BAIAP2: variants seen among roughly 807,000 people sequenced by gnomAD.
The protein encoded by BAIAP2 is BAR/IMD domain-containing adapter protein 2.
BAIAP2 carries 18 observed loss-of-function variants against 63.0 expected under a neutral mutation model. That is an observed-to-expected ratio of 0.29 (90% confidence interval 0.20 to 0.42). BAIAP2 has a LOEUF of 0.42. Among genes scored for constraint, BAIAP2 ranks in the 10% least tolerant of loss-of-function variants. BAIAP2 has a pLI of 1.00. For missense variants in BAIAP2, 610 were observed against 734.3 expected (o/e 0.83, Z 1.96); for synonymous variants, 386 against 307.6 (o/e 1.25, Z -2.67).
chr17:81,087,959 G>A, intron 6 of BAIAP2: 1 of 152,196 alleles, frequency 6.6e-6, no homozygotes, highest in Non-Finnish European at 1.5e-5. Context: ...CCTGCCTGAG[G>A]CTGCTGCAGC....
At chr17:81,095,453 G>T (rs1286272253) in intron 6 of BAIAP2, among the ~76,000 whole-genome samples, 3 of 152,196 alleles carry the variant, frequency 2.0e-5, no homozygotes. Context: ...GCCTGGCCTA[G>T]ATTTCCAGGA....
chr17:81,073,420 G>A (rs1246575476), intron 3 of BAIAP2, among the ~76,000 whole-genome samples: 2 of 152,218 alleles, frequency 1.3e-5, no homozygotes, highest in African/African-American at 4.8e-5. Context: ...CCTGGGAGCA[G>A]TCACCAAGCT....
chr17:81,066,123 C>G (rs191455823), intron 3 of BAIAP2, among the ~76,000 whole-genome samples: 2 of 152,352 alleles, frequency 1.3e-5, no homozygotes, highest in Admixed American at 1.3e-4. Context: ...CAGCCCTTTC[C>G]CATCTCTGGA....
chr17:81,060,225 G>T (rs138738979), intron 3 of BAIAP2, among the ~76,000 whole-genome samples: 3 of 152,308 alleles, frequency 2.0e-5, no homozygotes, highest in African/African-American at 4.8e-5. Flanking sequence ...AGAGTGTACA[G>T]TTCTGTGGCT....
At chr17:81,112,632 A>G (rs1318669380) in intron 13 of BAIAP2, among the ~76,000 whole-genome samples, 1 of 152,258 alleles carries the variant, frequency 6.6e-6, no homozygotes, top group East Asian at 1.9e-4. Context: ...AGCTGACGCG[A>G]GAAGACAGAA....
intron 2 of BAIAP2, 31 bp from the exon 3 acceptor site, chr17:81,057,850 G>A: frequency 6.2e-7 from 1 of 1,602,180 alleles, no homozygotes. Context: ...CCTCGTGGAG[G>A]AAATAACTGC....
At chr17:81,088,503 A>G (rs1041469859) in intron 6 of BAIAP2, among the ~76,000 whole-genome samples, 6 of 152,226 alleles carry the variant, frequency 3.9e-5, no homozygotes, top group Non-Finnish European at 7.3e-5. Flanking sequence ...TTTTTCAATC[A>G]GCAGTCACTC....
intron 13 of BAIAP2, 142 bp from the exon 14 acceptor site, chr17:81,115,628 A>C (rs12450670): frequency 0.81 from 789,843 of 979,384 alleles, 319,738 homozygotes; most frequent in Middle Eastern, 0.9. Context: ...AAAGCAGCGT[A>C]TATTGTCTGT....
chr17:81,046,014 CT>C lies in BAIAP2; in HGVS notation c.55-7653del, dbSNP rs1416547959. 6.6e-6 allele frequency among the ~76,000 whole-genome samples: 1 copy of C among 152,200 alleles called. No homozygotes were observed. Among genetic ancestry groups the C allele is most frequent in the Non-Finnish European group, 1.5e-5 (1 of 68,026 alleles). On this transcript the variant is annotated intron_variant, in intron 1 of 13. Coordinates refer to ENST00000428708, the MANE Select transcript of BAIAP2 (RefSeq NM_001144888.2). This position sits in a 1 kb window ranked among gnomAD's most constrained non-coding sequence, Gnocchi z 4.5. ...CTGGGGGGGCTCATGGTGGGGGCCC[CT>C]GGCACGGCAGAGGGGTTTGGCCACC...
intron 12 of BAIAP2, 154 bp from the exon 13 acceptor site, chr17:81,108,319 CTG>C (rs2059420246): frequency 1.3e-6 from 1 of 753,274 alleles, no homozygotes; most frequent in African/African-American, 1.8e-5. Flanking sequence ...AGGCAGGTCT[CTG>C]AGTGCTGCAG....
At chr17:81,095,734 G>A (rs747878701) in intron 6 of BAIAP2, among the ~76,000 whole-genome samples, 5 of 152,112 alleles carry the variant, frequency 3.3e-5, no homozygotes, top group South Asian at 2.1e-4. Context: ...CCAGAGCACC[G>A]TGCAGCCGTA....
At chr17:81,053,938 A>G (rs1287415200) in intron 2 of BAIAP2, 195 bp downstream of exon 2, 6 of 254,246 alleles carry the variant, frequency 2.4e-5, no homozygotes, top group African/African-American at 1.8e-4. Context: ...CTGAGCTGGT[A>G]GAACTGTGCC....
intron 13 of BAIAP2, among the ~76,000 whole-genome samples, chr17:81,114,854 T>C (rs2060338580): frequency 6.6e-6 from 1 of 152,210 alleles, no homozygotes; most frequent in Non-Finnish European, 1.5e-5. Flanking sequence ...GCCCGGGCTC[T>C]TGTGGACCCA....
intron 13 of BAIAP2, chr17:81,109,762 C>T: frequency 3.0e-6 from 3 of 985,490 alleles, no homozygotes; most frequent in South Asian, 9.4e-5. Flanking sequence ...GGGGCAGGCG[C>T]TGCCCAGCTG....
chr17:81,089,569 G>A (rs1399165530), intron 6 of BAIAP2, among the ~76,000 whole-genome samples: 1 of 131,638 alleles, frequency 7.6e-6, no homozygotes, highest in Non-Finnish European at 1.6e-5. Context: ...GTAAGCCACA[G>A]CACCTGTTTC....
intron 1 of BAIAP2, among the ~76,000 whole-genome samples, chr17:81,039,658 C>A (rs545393832): frequency 1.3e-5 from 2 of 151,546 alleles, no homozygotes; most frequent in South Asian, 4.2e-4. Context: ...TCAGGGGCCA[C>A]CGTTAGATGG....
chr17:81,115,314 A>G (rs1004989495), intron 13 of BAIAP2, among the ~76,000 whole-genome samples: 1 of 152,204 alleles, frequency 6.6e-6, no homozygotes, highest in Non-Finnish European at 1.5e-5. Flanking sequence ...CCCCCATGCC[A>G]GGGCTGGGCT....
intron 7 of BAIAP2, among the ~76,000 whole-genome samples, chr17:81,102,686 CCCCAGCGTGGGTG>C (rs1269132096): frequency 6.6e-6 from 1 of 151,964 alleles, no homozygotes; most frequent in Non-Finnish European, 1.5e-5. Flanking sequence ...CTCCGTGGGT[CCCCAGCGTGGGTG>C]CCCAGCCACA....
chr17:81,038,834 G>T (rs1202177940), intron 1 of BAIAP2, among the ~76,000 whole-genome samples: 1 of 152,198 alleles, frequency 6.6e-6, no homozygotes, highest in Non-Finnish European at 1.5e-5. Context: ...GAGACGGTGG[G>T]GGGTGGTCTC....
Sources: allele counts gnomAD v4.1 joint callset (sites outside exome capture counted in the v4.1 genomes callset), GRCh38; gene constraint gnomAD v4.1.1; non-coding constraint Gnocchi (gnomAD v3.1); transcripts MANE v1.5; gene names NCBI Gene and HGNC (gene_info 2026-07-23, HGNC 2026-07-21).